DDX60L: variants seen among roughly 807,000 people sequenced by gnomAD.
DDX60L encodes the protein probable ATP-dependent RNA helicase DDX60-like.
In DDX60L, 191 loss-of-function variants were observed where a neutral mutation model predicts 211.6. That is an observed-to-expected ratio of 0.90 (90% confidence interval 0.80 to 1.02). DDX60L has a LOEUF of 1.02. Ranked by LOEUF, DDX60L falls within the 50% of genes least tolerant of loss-of-function variation. The probability of loss-of-function intolerance (pLI) is 0.00; values close to 1 mark genes in which losing one functional copy is unlikely to be tolerated. For synonymous variants in DDX60L, 706 were observed against 694.1 expected, an observed-to-expected ratio of 1.02 and a Z score of -0.27; for missense variants, 2,007 against 1,984.1, an observed-to-expected ratio of 1.01 and a Z score of -0.22.
In DDX60L at chr4:168,373,675, A is replaced by G. The variant is rs941637163; in HGVS notation, c.4767T>C (p.Thr1589=). ...NTDNDLLRPE[T]INQVILRTVG... ...TGTATCCTTCACTTACCTGGTTGAT[A>G]GTCTCTGGTCGAAGCAAATCATTAT... The change falls in exon 35 of 38, where the codon ACT becomes ACC. Residue 1589 remains threonine (T), a synonymous_variant. Transcript: ENST00000682922. 6.2e-7 allele frequency: 1 copy of G among 1,613,560 alleles called. No homozygotes were observed. The highest frequency in any genetic ancestry group is 1.7e-5 in the Admixed American group (1 of 59,986).
At chr4:168,389,206 G>A (rs563531781) in intron 29 of DDX60L, among the ~76,000 whole-genome samples, 6 of 152,244 alleles carry the variant, frequency 3.9e-5, no homozygotes, top group South Asian at 4.1e-4. Flanking sequence ...AAAGTCCTAC[G>A]AAGATTGAGT....
At chr4:168,411,721 T>C (rs1278000848) in intron 22 of DDX60L, among the ~76,000 whole-genome samples, 5 of 152,150 alleles carry the variant, frequency 3.3e-5, no homozygotes, top group African/African-American at 1.2e-4. Flanking sequence ...TCAGAGCCTA[T>C]GGACTTGGGG....
rs1254663044 is a variant in DDX60L at position 168,450,956 on chromosome 4, CAATTA to C, written c.996+2163_996+2167del. 3.7e-5 allele frequency among the ~76,000 whole-genome samples: 4 copies of C among 107,768 alleles called. 1 individual carries two copies. Among genetic ancestry groups the C allele is most frequent in the East Asian group, 5.8e-4 (2 of 3,440 alleles). 70.7% of individuals were successfully genotyped at this position (107,768 alleles called of 152,430 possible). A position where few individuals can be genotyped will look rare whatever the true frequency, so the allele number is the denominator to read the frequency against. On this transcript the variant is annotated intron_variant, in intron 8 of 37. Transcript: ENST00000682922. ...ATAATAATTGGCCTTGACTTTCATG[CAATTA>C]AATTAAAGTCACTGAATTTTCTTGT...
At chr4:168,469,186 T>A (rs1758405822) in intron 4 of DDX60L, 2 of 152,222 alleles carry the variant, frequency 1.3e-5, no homozygotes, top group South Asian at 4.1e-4. Context: ...AATCAGGACA[T>A]TGTGGTACTG....
intron 1 of DDX60L, among the ~76,000 whole-genome samples, chr4:168,475,266 C>T (rs945741500): frequency 6.6e-6 from 1 of 152,148 alleles, no homozygotes; most frequent in Non-Finnish European, 1.5e-5. Context: ...AGCACCTGGA[C>T]GTAATGAAAA....
At chr4:168,408,631 A>G (rs559301283) in intron 22 of DDX60L, among the ~76,000 whole-genome samples, 45 of 152,326 alleles carry the variant, frequency 3.0e-4, no homozygotes, top group Non-Finnish European at 6.0e-4. Flanking sequence ...AATTAAAATG[A>G]ACAAAAAATA....
chr4:168,378,455 C>G lies in DDX60L; in HGVS notation c.4384G>C (p.Asp1462His), dbSNP rs567477396. ...AWKGSQQFSQ[D>H]VMEKLVLVLA... ...ACTAACACGAGCTTTTCCATCACAT[C>G]TTGGGAAAATTGTTGTGAGCCTATT... Residue 1462 changes from aspartate to histidine, a missense_variant, in exon 33 of 38, where the codon GAT becomes CAT. Asp to His is a moderately conservative substitution (Grantham distance 81). Transcript: ENST00000682922. 4 of 1,574,708 alleles carry G rather than the reference C, an allele frequency of 2.5e-6. No homozygotes were observed. In the South Asian group the frequency reaches 3.5e-5, roughly 14 times the overall value.
At chr4:168,412,095 G>T (rs1179917628) in intron 22 of DDX60L, among the ~76,000 whole-genome samples, 1 of 151,920 alleles carries the variant, frequency 6.6e-6, no homozygotes, top group African/African-American at 2.4e-5. Context: ...TAGGTAGTAC[G>T]TGGCCGTGTG....
chr4:168,393,923 A>G (rs761532829), intron 28 of DDX60L, among the ~76,000 whole-genome samples: 3 of 152,182 alleles, frequency 2.0e-5, no homozygotes, highest in Middle Eastern at 3.4e-3. Flanking sequence ...GACCAGGCAC[A>G]GTGGCTCACG....
rs1364402157 is a variant in DDX60L, at chr4:168,441,340, G to C, written c.1291C>G (p.Gln431Glu). Residue 431 changes from glutamine to glutamate, a missense_variant, in exon 10 of 38, where the codon CAA (glutamine) becomes GAA (glutamate). Physicochemically the swap from Gln to Glu is conservative, Grantham distance 29 (BLOSUM62 2). Transcript: ENST00000682922. ...CTTTAATTTACCCATTTAGTACCTTGAATGACCGATTTCTCTTGTCTAAGA... is the reference window on the plus strand; with the variant it reads ...CTTTAATTTACCCATTTAGTACCTTCAATGACCGATTTCTCTTGTCTAAGA... ...HFLRQEKSVIQEISLEKMPSV... is the reference protein window; with the variant it reads ...HFLRQEKSVIEEISLEKMPSV... The C allele has an allele frequency of 6.2e-7, 1 of 1,604,108 alleles. No homozygotes were observed. Among genetic ancestry groups the C allele is most frequent in the Non-Finnish European group, 8.5e-7 (1 of 1,175,584 alleles).
intron 8 of DDX60L, among the ~76,000 whole-genome samples, chr4:168,449,650 T>C (rs952295647): frequency 1.4e-4 from 1 of 6,952 alleles, no homozygotes; most frequent in African/African-American, 8.5e-4. Context: ...AAAAAAAAAA[T>C]GCAAAAAAAA....
chr4:168,374,141 T>C (rs10018764), intron 34 of DDX60L, among the ~76,000 whole-genome samples: 151,828 of 151,848 alleles, frequency 1, 75,905 homozygotes, highest in Middle Eastern at 1. Context: ...ACAGAGGTTC[T>C]GTCCAGCGAG....
intron 11 of DDX60L, 115 bp downstream of exon 11, chr4:168,432,895 A>G (rs1752556947): frequency 3.3e-6 from 2 of 598,228 alleles, no homozygotes; most frequent in African/African-American, 1.9e-5. Flanking sequence ...GTCACATTAT[A>G]TAGAATTTAC....
chr4:168,432,102 T>G (rs1198683655), intron 12 of DDX60L, among the ~76,000 whole-genome samples: 1 of 152,108 alleles, frequency 6.6e-6, no homozygotes, highest in East Asian at 1.9e-4. Flanking sequence ...TGTACATCCT[T>G]AAAAGATTAA....
intron 4 of DDX60L, chr4:168,469,145 T>C (rs1234493866): frequency 1.3e-5 from 2 of 152,204 alleles, no homozygotes; most frequent in Non-Finnish European, 2.9e-5. Context: ...AAGAACAAAG[T>C]GGGCTTCAAG....
chr4:168,459,822 AGGGAG>A (rs1561120054), intron 5 of DDX60L, among the ~76,000 whole-genome samples: 166 of 81,462 alleles, frequency 2.0e-3, no homozygotes, highest in South Asian at 5.0e-3. Flanking sequence ...GAAGGAGGGA[AGGGAG>A]GGAGGGAAGG....
chr4:168,417,709 A>T (rs1736913669), intron 19 of DDX60L, among the ~76,000 whole-genome samples: 1 of 152,222 alleles, frequency 6.6e-6, no homozygotes, highest in Non-Finnish European at 1.5e-5. Flanking sequence ...TGTCTAGCAC[A>T]GAGTAGGTAC....
intron 1 of DDX60L, among the ~76,000 whole-genome samples, chr4:168,479,158 GGATGGATA>G (rs201477502): frequency 0.033 from 2,596 of 78,144 alleles, 27 homozygotes; most frequent in Middle Eastern, 0.16. Flanking sequence ...ATGGATGGAT[GGATGGATA>G]GAGAGATAGG....
intron 9 of DDX60L, 72 bp downstream of exon 9, chr4:168,448,566 T>A (rs561288104): frequency 1.7e-6 from 2 of 1,169,526 alleles, no homozygotes; most frequent in Admixed American, 2.8e-5. Flanking sequence ...TGCTGTGGTA[T>A]GTACTGGAAA....
Sources: allele counts gnomAD v4.1 joint callset (sites outside exome capture counted in the v4.1 genomes callset), GRCh38; gene constraint gnomAD v4.1.1; transcripts MANE v1.5; gene names NCBI Gene and HGNC (gene_info 2026-07-23, HGNC 2026-07-21).